TET1: variants seen among roughly 807,000 people sequenced by gnomAD.
TET1 encodes the protein tet methylcytosine dioxygenase 1, also known as methylcytosine dioxygenase TET1.
A neutral mutation model predicts 148.7 loss-of-function variants in TET1; 13 were observed. The observed-to-expected ratio is 0.09, with a 90% CI of 0.06 to 0.14. The LOEUF (loss-of-function observed/expected upper bound fraction) is 0.14. Ranked by LOEUF, TET1 falls within the 10% of genes least tolerant of loss-of-function variation. The probability of loss-of-function intolerance (pLI) is 1.00; values close to 1 mark genes in which losing one functional copy is unlikely to be tolerated. For synonymous variants in TET1, 907 were observed against 937.2 expected (o/e 0.97, Z 0.59); for missense variants, 2,182 against 2,553.8 (o/e 0.85, Z 3.14).
At chr10:68,664,799 G>A (rs1349201483) in intron 6 of TET1, among the ~76,000 whole-genome samples, 1 of 149,786 alleles carries the variant, frequency 6.7e-6, no homozygotes, top group East Asian at 2.0e-4. Flanking sequence ...TTTTGGCGGG[G>A]ATGGAGTTTC....
chr10:68,659,609 G>A (rs981008072), intron 6 of TET1, among the ~76,000 whole-genome samples: 7 of 152,112 alleles, frequency 4.6e-5, no homozygotes, highest in African/African-American at 1.4e-4. Flanking sequence ...ATGAGCCACC[G>A]CGCCCGGCCA....
intron 6 of TET1, among the ~76,000 whole-genome samples, chr10:68,662,911 A>C (rs1239316396): frequency 1.3e-5 from 2 of 152,234 alleles, no homozygotes; most frequent in East Asian, 3.8e-4. Context: ...ACATAGTGAG[A>C]CACTGTCTCC....
At chr10:68,591,334 A>G (rs1194157017) in intron 2 of TET1, among the ~76,000 whole-genome samples, 3 of 152,156 alleles carry the variant, frequency 2.0e-5, no homozygotes, top group Non-Finnish European at 4.4e-5. Flanking sequence ...GTTCCATGGA[A>G]AAGTGCTTTT....
At chr10:68,615,736 G>A (rs770668206) in intron 3 of TET1, among the ~76,000 whole-genome samples, 1 of 152,014 alleles carries the variant, frequency 6.6e-6, no homozygotes, top group African/African-American at 2.4e-5. Flanking sequence ...TCAGCTCACC[G>A]TAACCTCTGT....
intron 8 of TET1, among the ~76,000 whole-genome samples, chr10:68,680,813 C>A (rs1331592224): frequency 6.6e-6 from 1 of 152,232 alleles, no homozygotes; most frequent in African/African-American, 2.4e-5. Context: ...CCACTTACTT[C>A]CTTTGATCTG....
intron 3 of TET1, among the ~76,000 whole-genome samples, chr10:68,643,233 G>T (rs2054786189): frequency 7.6e-6 from 1 of 131,872 alleles, no homozygotes; most frequent in Non-Finnish European, 1.5e-5. Context: ...CTGCACTCCA[G>T]CCTGGGTGAC....
intron 6 of TET1, among the ~76,000 whole-genome samples, chr10:68,663,050 A>G (rs1040937261): frequency 1.3e-5 from 2 of 152,242 alleles, no homozygotes; most frequent in African/African-American, 2.4e-5. Flanking sequence ...GTTGGGTACA[A>G]TGTTCACTAT....
At chr10:68,630,291 C>T (rs1423224783) in intron 3 of TET1, among the ~76,000 whole-genome samples, 1 of 152,114 alleles carries the variant, frequency 6.6e-6, no homozygotes, top group Non-Finnish European at 1.5e-5. Context: ...TTACTCATAA[C>T]TTTTAGACAT....
chr10:68,672,124 G>A (rs1221576772), intron 7 of TET1, among the ~76,000 whole-genome samples: 1 of 152,066 alleles, frequency 6.6e-6, no homozygotes, highest in Non-Finnish European at 1.5e-5. Flanking sequence ...TAAAGCAGCT[G>A]AATTCCAAAG....
intron 2 of TET1, among the ~76,000 whole-genome samples, chr10:68,600,770 G>C (rs1253042009): frequency 1.3e-5 from 2 of 152,158 alleles, no homozygotes; most frequent in Non-Finnish European, 2.9e-5. Flanking sequence ...GGAAAAAAGG[G>C]TATTTCCCTG....
chr10:68,626,016 C>T (rs1426510747), intron 3 of TET1, among the ~76,000 whole-genome samples: 1 of 150,406 alleles, frequency 6.6e-6, no homozygotes, highest in Non-Finnish European at 1.5e-5. Context: ...CCCACAAGTT[C>T]CAGAGTGAGG....
chr10:68,593,098 G>A (rs1488169950), intron 2 of TET1, among the ~76,000 whole-genome samples: 1 of 151,946 alleles, frequency 6.6e-6, no homozygotes, highest in Non-Finnish European at 1.5e-5. Flanking sequence ...TGGGCGTGGT[G>A]GCATGCACTT....
chr10:68,662,105 A>T (rs6480351), intron 6 of TET1, among the ~76,000 whole-genome samples: 13 of 152,100 alleles, frequency 8.5e-5, no homozygotes, highest in Admixed American at 8.5e-4. Context: ...AAACTCCTGA[A>T]CTCAGGTGGT....
chr10:68,571,753 G>A (rs948860048), intron 1 of TET1, among the ~76,000 whole-genome samples: 1 of 152,038 alleles, frequency 6.6e-6, no homozygotes, highest in African/African-American at 2.4e-5. Flanking sequence ...TTGAACTCCT[G>A]GCCTCAAGTC....
chr10:68,581,715 T>C (rs2053800257), intron 2 of TET1, among the ~76,000 whole-genome samples: 1 of 151,900 alleles, frequency 6.6e-6, no homozygotes, highest in South Asian at 2.1e-4. Flanking sequence ...CATGGTGGCA[T>C]GTGCCTATAG....
intron 2 of TET1, among the ~76,000 whole-genome samples, chr10:68,584,827 CTTTT>C (rs372954832): frequency 7.2e-6 from 1 of 139,088 alleles, no homozygotes; most frequent in Non-Finnish European, 1.6e-5. Context: ...ACACATATCT[CTTTT>C]TTTTTTTTAG....
chr10:68,583,835 T>C (rs1045375238), intron 2 of TET1, among the ~76,000 whole-genome samples: 2 of 151,344 alleles, frequency 1.3e-5, no homozygotes, highest in Non-Finnish European at 2.9e-5. Flanking sequence ...CGCTTGAACC[T>C]GGGAGGCGGA....
intron 2 of TET1, among the ~76,000 whole-genome samples, chr10:68,596,196 T>C (rs566097904): frequency 6.6e-6 from 1 of 150,926 alleles, no homozygotes; most frequent in African/African-American, 2.4e-5. Flanking sequence ...CGTGCCACCA[T>C]GCCCAGCGGA....
intron 6 of TET1, among the ~76,000 whole-genome samples, chr10:68,663,804 A>G (rs779932830): frequency 6.6e-6 from 1 of 152,184 alleles, no homozygotes; most frequent in Non-Finnish European, 1.5e-5. Flanking sequence ...CTGTTTAAAT[A>G]CTTGGTTTTT....
Sources: allele counts gnomAD v4.1 joint callset (sites outside exome capture counted in the v4.1 genomes callset), GRCh38; gene constraint gnomAD v4.1.1; transcripts MANE v1.5; gene names NCBI Gene and HGNC (gene_info 2026-07-23, HGNC 2026-07-21).